FUT8: variants seen among roughly 807,000 people sequenced by gnomAD.
FUT8 encodes the protein alpha-(1,6)-fucosyltransferase.
Under a neutral mutation model 71.3 loss-of-function variants are expected in FUT8, and 29 were observed. That is an observed-to-expected ratio of 0.41 (90% CI 0.30 to 0.55). The LOEUF is 0.55. FUT8 is among the 20% of genes least tolerant of loss of function. FUT8 has a pLI of 0.34. For missense variants in FUT8, 544 were observed against 702.1 expected (o/e 0.77, Z 2.55); for synonymous variants, 254 against 239.3 (o/e 1.06, Z -0.57).
intron 2 of FUT8, among the ~76,000 whole-genome samples, chr14:65,494,729 A>C (rs1395566827): frequency 6.6e-6 from 1 of 152,052 alleles, no homozygotes; most frequent in African/African-American, 2.4e-5. Flanking sequence ...CCCCGCATGC[A>C]TTAGGTATTT....
At chr14:65,473,472 C>T (rs1400062218) in intron 2 of FUT8, among the ~76,000 whole-genome samples, 1 of 152,052 alleles carries the variant, frequency 6.6e-6, no homozygotes, top group African/African-American at 2.4e-5. Flanking sequence ...GAAAACAATG[C>T]TTTTGGACTT....
intron 3 of FUT8, among the ~76,000 whole-genome samples, chr14:65,562,346 C>T (rs955849863): frequency 6.6e-6 from 1 of 151,990 alleles, no homozygotes; most frequent in Non-Finnish European, 1.5e-5. Flanking sequence ...GTTAGTCTAA[C>T]TAGAACTTAT....
At chr14:65,684,991 C>T (rs1006506851) in intron 7 of FUT8, among the ~76,000 whole-genome samples, 2 of 152,148 alleles carry the variant, frequency 1.3e-5, no homozygotes, top group East Asian at 1.9e-4. Flanking sequence ...TAATCAAATG[C>T]CATTTTGTAT....
In FUT8 at chr14:65,742,125, A is replaced by G; in HGVS notation, c.1443A>G (p.Thr481=). The part of the protein sequence containing the change: ...VCRVAYEIMQ[T]LHPDASANFH... The stretch of plus-strand genomic sequence containing the variant: ...GAGTTGCTTATGAAATTATGCAAAC[A>G]CTACATCCTGATGCCTCTGCAAACT... Residue 481 remains threonine, a synonymous_variant, in exon 11 of 11, where the codon ACA becomes ACG. Transcript: ENST00000673929. 1 of 1,612,934 alleles carries G rather than the reference A, an allele frequency of 6.2e-7. No homozygotes were observed.
At chr14:65,545,106 A>G (rs1884913071) in intron 2 of FUT8, among the ~76,000 whole-genome samples, 2 of 151,950 alleles carry the variant, frequency 1.3e-5, no homozygotes, top group Admixed American at 1.3e-4. Context: ...TTCAGCTAGC[A>G]TTAAAGGACC....
At chr14:65,439,954 G>GTGTGTACATATATATATA in intron 1 of FUT8, among the ~76,000 whole-genome samples, 7 of 74,984 alleles carry the variant, frequency 9.3e-5, no homozygotes, top group East Asian at 1.2e-3. Context: ...GTGTGTGTGT[G>GTGTGTACATATATATATA]TATATATATA....
At chr14:65,404,485 T>C in the FUT8 span, among the ~76,000 whole-genome samples, 1 of 151,396 alleles carries the variant, frequency 6.6e-6, no homozygotes, top group African/African-American at 2.4e-5. Flanking sequence ...TTTCTTTTTT[T>C]TTTCTTTTTG....
chr14:65,382,856 T>C, the FUT8 span, among the ~76,000 whole-genome samples: 1 of 152,208 alleles, frequency 6.6e-6, no homozygotes, highest in Non-Finnish European at 1.5e-5. Context: ...TGCTCTGTAG[T>C]ATCTCACTTT....
At chr14:65,517,068 T>C (rs1232596864) in intron 2 of FUT8, among the ~76,000 whole-genome samples, 1 of 152,004 alleles carries the variant, frequency 6.6e-6, no homozygotes, top group East Asian at 1.9e-4. Context: ...TCACGATGAT[T>C]AATATTCCGT....
the FUT8 span, among the ~76,000 whole-genome samples, chr14:65,375,979 T>C: frequency 6.6e-6 from 1 of 151,698 alleles, no homozygotes; most frequent in Non-Finnish European, 1.5e-5. Context: ...TAATCCCAGC[T>C]ACTCAGGAAG....
At chr14:65,681,653 T>C (rs1647002010) in intron 7 of FUT8, among the ~76,000 whole-genome samples, 1 of 152,152 alleles carries the variant, frequency 6.6e-6, no homozygotes, top group African/African-American at 2.4e-5. Context: ...TGTATGTGAG[T>C]GTCTTTTTGG....
Position 65,441,008 on chromosome 14 carries a change from A to G in FUT8, c.-325-14613A>G, listed in dbSNP as rs1408754489. Among the ~76,000 whole-genome samples, 5 of 152,224 alleles carry G rather than the reference A, an allele frequency of 3.3e-5. No individual in the cohort carries two copies. In the East Asian group the frequency reaches 7.7e-4, roughly 23 times the overall value. Reference sequence around the variant, plus strand: ...AAACTAGAGCTACATTTTATACTCAAAACTATGTCTGCCACTTAAAAGAGG... The same window carrying G: ...AAACTAGAGCTACATTTTATACTCAGAACTATGTCTGCCACTTAAAAGAGG... On this transcript the variant is annotated intron_variant, in intron 1 of 10. Coordinates refer to ENST00000673929, the MANE Select transcript of FUT8 (RefSeq NM_001371533.1).
At chr14:65,687,339 G>GA (rs1401225281) in intron 7 of FUT8, among the ~76,000 whole-genome samples, 1 of 152,010 alleles carries the variant, frequency 6.6e-6, no homozygotes, top group South Asian at 2.1e-4. Flanking sequence ...TAGAACTGAA[G>GA]AAAAAAAGAG....
upstream of FUT8, chr14:65,410,931 T>G (rs902661764): frequency 3.9e-5 from 6 of 152,180 alleles, no homozygotes; most frequent in Non-Finnish European, 7.3e-5. Context: ...TTACGCTTGC[T>G]TGTTAAAATA....
At chr14:65,695,944 A>G (rs1268463530) in intron 7 of FUT8, among the ~76,000 whole-genome samples, 1 of 151,996 alleles carries the variant, frequency 6.6e-6, no homozygotes, top group Non-Finnish European at 1.5e-5. Context: ...TGCAATATAT[A>G]TTTACCACAA....
At chr14:65,385,181 G>A in the FUT8 span, among the ~76,000 whole-genome samples, 2 of 152,024 alleles carry the variant, frequency 1.3e-5, no homozygotes, top group Non-Finnish European at 2.9e-5. Context: ...TTACAGGCAT[G>A]AGCCACCGCG....
chr14:65,708,837 G>T (rs1436161178), intron 7 of FUT8, among the ~76,000 whole-genome samples: 1 of 152,126 alleles, frequency 6.6e-6, no homozygotes, highest in Admixed American at 6.6e-5. Context: ...GCCTGCTGCG[G>T]TCGGGGGATG....
chr14:65,722,153 C>G (rs567312800), intron 8 of FUT8, 132 bp downstream of exon 8: 34 of 1,191,732 alleles, frequency 2.9e-5, no homozygotes, highest in Non-Finnish European at 3.8e-5. Flanking sequence ...GGTTCTAGAG[C>G]TATCCTAAGG....
Position 65,721,817 on chromosome 14 carries a change from T to C in FUT8, c.878T>C (p.Ile293Thr). 1 of 1,614,214 alleles carries C rather than the reference T, an allele frequency of 6.2e-7. No homozygotes were observed. Among genetic ancestry groups the C allele is most frequent in the Non-Finnish European group, 8.5e-7 (1 of 1,180,014 alleles). The change falls in exon 8 of 11, where the codon ATT becomes ACT. Residue 293 changes from isoleucine to threonine, a missense_variant. Ile to Thr is a moderately conservative substitution (Grantham distance 89). Transcript: ENST00000673929. ...AATGTTCAAGTGGTCGAGCTTCCCA[T>C]TGTAGACAGTCTTCATCCCCGTCCT... ...DKNVQVVELP[I>T]VDSLHPRPPY...
Sources: allele counts gnomAD v4.1 joint callset (sites outside exome capture counted in the v4.1 genomes callset), GRCh38; gene constraint gnomAD v4.1.1; transcripts MANE v1.5; gene names NCBI Gene and HGNC (gene_info 2026-07-23, HGNC 2026-07-21).